Variants in RAB39B observed in about 807,000 individuals in gnomAD.
The protein encoded by RAB39B is RAB39B, member RAS oncogene family, also known as ras-related protein Rab-39B.
For synonymous variants in RAB39B, 63 were observed against 67.5 expected, an observed-to-expected ratio of 0.93 and a Z score of 0.33; for missense variants, 68 against 171.3, an observed-to-expected ratio of 0.40 and a Z score of 3.37.
intron 1 of RAB39B, 129 bp from the exon 2 acceptor site, chrX:155,261,358 A>G (rs187907052): frequency 3.7e-6 from 2 of 547,593 alleles, no homozygotes; most frequent in Non-Finnish European, 5.9e-6. Flanking sequence ...CTTTTTTTTT[A>G]AAAAAACAAA....
At position 155,261,347 on chromosome X, in the gene RAB39B, TC is replaced by T. The variant is rs1206812091; in HGVS notation, c.216-119del. 1.4e-5 allele frequency: 8 copies of T among 582,085 alleles called. No individual in the cohort carries two copies. The South Asian group carries it at 1.9e-4, about 14-fold the overall frequency. The allele number at this position is 582,085 out of a possible 1,213,427, so 48.0% of individuals were successfully genotyped here. ...CACAGTCCTTTAATAAAAATGATTT[TC>T]TTTTTTTTTAAAAAAACAAAGGAAT... On this transcript the variant is annotated intron_variant, in intron 1 of 1. Coordinates refer to ENST00000369454, the MANE Select transcript of RAB39B (RefSeq NM_171998.4).
intron 1 of RAB39B, among the ~76,000 whole-genome samples, chrX:155,262,171 C>T (rs782136646): frequency 1.8e-5 from 2 of 111,999 alleles, no homozygotes; most frequent in Non-Finnish European, 3.8e-5. Context: ...TTGCTTTAGA[C>T]TACTGTGATT....
chrX:155,264,311 T>C lies in RAB39B; in HGVS notation c.-23A>G. 1 of 1,194,138 alleles carries C rather than the reference T, an allele frequency of 8.4e-7. No individual in the cohort carries two copies. On this transcript the variant is annotated 5_prime_UTR_variant, in exon 1 of 2. Transcript: ENST00000369454. The stretch of plus-strand genomic sequence containing the variant: ...CATGGCCGCGGCTCTGCAGGTCTCC[T>C]TGGCCCGGACCGGGGACGGCGGGAG...
At chrX:155,261,357 TA>T (rs1361390009) in intron 1 of RAB39B, 128 bp from the exon 2 acceptor site, 4 of 552,559 alleles carry the variant, frequency 7.2e-6, no homozygotes, top group Non-Finnish European at 1.2e-5. Context: ...TCTTTTTTTT[TA>T]AAAAAACAAA....
At position 155,260,902 on chromosome X, in the gene RAB39B, T is replaced by C. The variant is rs369970931; in HGVS notation, c.543A>G (p.Thr181=). The C allele has an allele frequency of 3.7e-4, 443 of 1,209,627 alleles. No individual in the cohort carries two copies. The highest frequency in any genetic ancestry group is 4.5e-4 in the Non-Finnish European group (406 of 894,824). Residue 181 remains threonine, a synonymous_variant, in exon 2 of 2, where the codon ACA becomes ACG. Transcript: ENST00000369454. ...IYELVKRGEI[T]IQEGWEGVKS... ...TCACCCCTTCCCAGCCCTCCTGGAT[T>C]GTAATCTCCCCCCTTTTAACCAGCT...
chrX:155,260,922 C>T lies in RAB39B; in HGVS notation c.523G>A (p.Val175Ile), dbSNP rs782812446. 2 of 1,211,500 alleles carry T rather than the reference C, an allele frequency of 1.7e-6. No individual in the cohort carries two copies. The highest frequency in any genetic ancestry group is 1.8e-5 in the South Asian group (1 of 56,941). The change falls in exon 2 of 2, where the codon GTT becomes ATT. Residue 175 changes from valine (V) to isoleucine (I), a missense_variant. Transcript: ENST00000369454. The stretch of plus-strand genomic sequence containing the variant: ...TGGATTGTAATCTCCCCCCTTTTAA[C>T]CAGCTCATATATGTCTCTTGTCAGG... ...TDLTRDIYEL[V>I]KRGEITIQEG...
chrX:155,260,947 G>T lies in RAB39B; in HGVS notation c.498C>A (p.Asp166Glu), dbSNP rs374364279. Reference protein sequence around the residue: ...DAINVEKAFTDLTRDIYELVK... With the variant: ...DAINVEKAFTELTRDIYELVK... ...CCAGCTCATATATGTCTCTTGTCAG[G>T]TCTGTGAAGGCTTTCTCCACATTAA... The change falls in exon 2 of 2, where the codon GAC becomes GAA. Residue 166 changes from aspartate to glutamate, a missense_variant. Coordinates refer to ENST00000369454, the MANE Select transcript of RAB39B (RefSeq NM_171998.4). 8.3e-7 allele frequency: 1 copy of T among 1,211,087 alleles called. No individual in the cohort carries two copies. The highest frequency in any genetic ancestry group is 1.1e-6 in the Non-Finnish European group (1 of 895,225).
rs2074862615 is a variant in RAB39B at position 155,264,354 on chromosome X, C to T, written c.-66G>A. On this transcript the variant is annotated 5_prime_UTR_variant, in exon 1 of 2. Coordinates refer to ENST00000369454, the MANE Select transcript of RAB39B (RefSeq NM_171998.4). ...GGCGGGAGGGGGCGCCCCGCCGACGCCTCAGAGAGCGCGGCTCGGCAGGAT... is the reference window on the plus strand; with the variant it reads ...GGCGGGAGGGGGCGCCCCGCCGACGTCTCAGAGAGCGCGGCTCGGCAGGAT... The T allele has an allele frequency of 2.8e-5, 29 of 1,027,542 alleles. No homozygotes were observed. Among genetic ancestry groups the T allele is most frequent in the Non-Finnish European group, 3.7e-5 (27 of 731,795 alleles). 84.7% of individuals were successfully genotyped at this position (1,027,542 alleles called of 1,213,427 possible). A position where few individuals can be genotyped will look rare whatever the true frequency, so the allele number is the denominator to read the frequency against.
At chrX:155,263,117 CT>C (rs1557314439) in intron 1 of RAB39B, among the ~76,000 whole-genome samples, 1 of 111,854 alleles carries the variant, frequency 8.9e-6, no homozygotes, top group African/African-American at 3.3e-5. Flanking sequence ...GCAAAGTTTT[CT>C]GTGTACACTC....
At chrX:155,262,594 C>T (rs187083389) in intron 1 of RAB39B, among the ~76,000 whole-genome samples, 1 of 112,186 alleles carries the variant, frequency 8.9e-6, no homozygotes, top group East Asian at 2.8e-4. Flanking sequence ...TGACAAAGGC[C>T]TTCTAAGCAT....
intron 1 of RAB39B, among the ~76,000 whole-genome samples, chrX:155,263,040 TAA>T (rs1297900617): frequency 8.9e-6 from 1 of 112,335 alleles, no homozygotes; most frequent in Admixed American, 9.4e-5. Context: ...TAAATGATCA[TAA>T]ACTTGGGCTA....
rs782819537 is a variant in RAB39B at position 155,260,771 on chromosome X, AGGAG to A, written c.*28_*31del. 6.8e-6 allele frequency: 8 copies of A among 1,168,393 alleles called. No individual in the cohort carries two copies. Among genetic ancestry groups the A allele is most frequent in the Non-Finnish European group, 9.3e-6 (8 of 855,676 alleles). ...ATTTCTCTTACTTTTCAGTTCAAGT[AGGAG>A]AGCATGTTTTGGAAATAAAAGAACT... is the stretch of plus-strand genomic sequence containing the variant. On this transcript the variant is annotated 3_prime_UTR_variant, in exon 2 of 2. Transcript: ENST00000369454.
At position 155,264,185 on chromosome X, in the gene RAB39B, T is replaced by C; in HGVS notation, c.104A>G (p.Gln35Arg). The C allele has an allele frequency of 8.3e-7, 1 of 1,211,917 alleles. No individual in the cohort carries two copies. The highest frequency in any genetic ancestry group is 1.1e-6 in the Non-Finnish European group (1 of 895,415). Residue 35 changes from glutamine to arginine, a missense_variant, in exon 1 of 2, where the codon CAG (glutamine) becomes CGG (arginine). By Grantham distance (43) the Gln-to-Arg change is conservative. Coordinates refer to ENST00000369454, the MANE Select transcript of RAB39B (RefSeq NM_171998.4). ...IRRFTEGRFA[Q>R]VSDPTVGVDF... is the part of the protein sequence containing the mutation. ...CACCCCCACGGTGGGGTCAGAAACC[T>C]GGGCAAAGCGACCCTCGGTGAAGCG...
chrX:155,264,103 G>C lies in RAB39B; in HGVS notation c.186C>G (p.Ile62Met), dbSNP rs1477697422. 1.7e-6 allele frequency: 2 copies of C among 1,211,617 alleles called. No homozygotes were observed. The highest frequency in any genetic ancestry group is 1.8e-5 in the South Asian group (1 of 56,985). Residue 62 changes from isoleucine (I) to methionine (M), a missense_variant, in exon 1 of 2, where the codon ATC becomes ATG. Transcript: ENST00000369454. ...IEPGKRIKLQ[I>M]WDTAGQERFR... ...ACCTCTCTTGACCCGCGGTATCCCA[G>C]ATCTGGAGCTTGATGCGTTTTCCTG...
rs2074841837 is a variant in RAB39B at position 155,258,581 on chromosome X, T to G, written c.*2222A>C. The G allele has an allele frequency of 8.9e-6, 1 of 112,772 alleles. No individual in the cohort carries two copies. Among genetic ancestry groups the G allele is most frequent in the African/African-American group, 3.2e-5 (1 of 31,052 alleles). The allele number at this position is 112,772 out of a possible 1,213,427, so 9.3% of individuals were successfully genotyped here. ...AATGATTTTTAAATTTTCTAGAACT[T>G]ATTTAAGCAATTAAGCTCAGCCACC... is the stretch of plus-strand genomic sequence containing the variant. On this transcript the variant is annotated 3_prime_UTR_variant, in exon 2 of 2. Coordinates refer to ENST00000369454, the MANE Select transcript of RAB39B (RefSeq NM_171998.4).
At chrX:155,262,096 G>C (rs368255124) in intron 1 of RAB39B, among the ~76,000 whole-genome samples, 1 of 111,586 alleles carries the variant, frequency 9.0e-6, no homozygotes. Flanking sequence ...TATACATTAT[G>C]GCACTTTGCT....
rs1032333290 is a variant in RAB39B at position 155,258,620 on chromosome X, T to C, written c.*2183A>G. ...AGCTCAGCCACCTCTGCTGGATTTA[T>C]GCTGAATATTTTTAAACCTGCCAGA... is the stretch of plus-strand genomic sequence containing the variant. On this transcript the variant is annotated 3_prime_UTR_variant, in exon 2 of 2. Transcript: ENST00000369454. The C allele has an allele frequency of 8.9e-6, 1 of 112,661 alleles. No homozygotes were observed. The highest frequency in any genetic ancestry group is 1.9e-5 in the Non-Finnish European group (1 of 53,341). The allele number at this position is 112,661 out of a possible 1,213,427, so 9.3% of individuals were successfully genotyped here.
Position 155,264,489 on chromosome X carries a change from A to G in RAB39B, c.-201T>C. ...GCGCTCGCAAAGGTGATGAAATGGC[A>G]GCAGCATCAGCACCACGCACTCTGA... On this transcript the variant is annotated 5_prime_UTR_variant, in exon 1 of 2. Transcript: ENST00000369454. 2.3e-6 allele frequency: 1 copy of G among 441,722 alleles called. No individual in the cohort carries two copies. The highest frequency in any genetic ancestry group is 3.9e-5 in the Admixed American group (1 of 25,346). The allele number at this position is 441,722 out of a possible 1,213,427, so 36.4% of individuals were successfully genotyped here. A position where few individuals can be genotyped will look rare whatever the true frequency, so the allele number is the denominator to read the frequency against.
chrX:155,264,232 C>A lies in RAB39B; in HGVS notation c.57G>T (p.Val19=). 1 of 1,212,372 alleles carries A rather than the reference C, an allele frequency of 8.2e-7. No homozygotes were observed. Among genetic ancestry groups the A allele is most frequent in the South Asian group, 1.8e-5 (1 of 57,062 alleles). Residue 19 remains valine, a synonymous_variant, in exon 1 of 2, where the codon GTG becomes GTT. Transcript: ENST00000369454. ...AGCGGCGGATCAGGCAGGACTTGCCCACTGTGGAATCCCCGATGACAATGA... is the reference window on the plus strand; with the variant it reads ...AGCGGCGGATCAGGCAGGACTTGCCAACTGTGGAATCCCCGATGACAATGA... ...FRLIVIGDST[V]GKSCLIRRFT...
Sources: allele counts gnomAD v4.1 joint callset (sites outside exome capture counted in the v4.1 genomes callset), GRCh38; gene constraint gnomAD v4.1.1; transcripts MANE v1.5; gene names NCBI Gene and HGNC (gene_info 2026-07-23, HGNC 2026-07-21).